Variants in LURAP1L observed in about 807,000 individuals in gnomAD.
LURAP1L encodes the protein leucine rich adaptor protein 1-like.
In LURAP1L, 12 loss-of-function variants were observed where a neutral mutation model predicts 13.8. That is an observed-to-expected ratio of 0.87 (90% confidence interval 0.56 to 1.41). LURAP1L has a LOEUF of 1.41. Ranked by LOEUF, LURAP1L falls within the 40% of genes most tolerant of loss-of-function variation. LURAP1L has a pLI of 0.00. For synonymous variants in LURAP1L, 139 were observed against 119.2 expected (o/e 1.17, Z -1.08); for missense variants, 375 against 292.9 (o/e 1.28, Z -2.04).
chr9:12,820,110 G>C (rs1312182509), intron 1 of LURAP1L, among the ~76,000 whole-genome samples: 1 of 152,120 alleles, frequency 6.6e-6, no homozygotes, highest in South Asian at 2.1e-4. Flanking sequence ...ACCACCTCTT[G>C]ATATTAGCAA....
chr9:12,799,160 G>A (rs1053477276), intron 1 of LURAP1L, among the ~76,000 whole-genome samples: 4 of 152,076 alleles, frequency 2.6e-5, no homozygotes, highest in Non-Finnish European at 4.4e-5. Context: ...AGCACTAAGT[G>A]GTGATACAAT....
At chr9:12,819,815 A>G (rs1042681461) in intron 1 of LURAP1L, among the ~76,000 whole-genome samples, 1 of 152,088 alleles carries the variant, frequency 6.6e-6, no homozygotes, top group Non-Finnish European at 1.5e-5. Context: ...TTAGCTGGAC[A>G]TGGTGTTGCG....
At chr9:12,785,669 T>C (rs1449060681) in intron 1 of LURAP1L, among the ~76,000 whole-genome samples, 1 of 152,268 alleles carries the variant, frequency 6.6e-6, no homozygotes, top group East Asian at 1.9e-4. Flanking sequence ...CAAAGTCCCA[T>C]AATCACTGTA....
At chr9:12,813,731 C>G (rs1819768484) in intron 1 of LURAP1L, among the ~76,000 whole-genome samples, 1 of 152,082 alleles carries the variant, frequency 6.6e-6, no homozygotes, top group Non-Finnish European at 1.5e-5. Context: ...ATTGATGAAC[C>G]AGTAAAATTC....
chr9:12,809,034 A>G (rs1386210166), intron 1 of LURAP1L, among the ~76,000 whole-genome samples: 2 of 152,166 alleles, frequency 1.3e-5, no homozygotes, highest in African/African-American at 4.8e-5. Context: ...AAGGGCAGCT[A>G]GCATATCACA....
At chr9:12,816,588 T>A (rs924677457) in intron 1 of LURAP1L, among the ~76,000 whole-genome samples, 4 of 152,214 alleles carry the variant, frequency 2.6e-5, no homozygotes, top group African/African-American at 9.6e-5. Context: ...TTTCAATTTT[T>A]AAATGGCACT....
At chr9:12,812,615 C>T (rs1163790618) in intron 1 of LURAP1L, among the ~76,000 whole-genome samples, 2 of 152,036 alleles carry the variant, frequency 1.3e-5, no homozygotes, top group Non-Finnish European at 2.9e-5. Context: ...ATAAGATCCA[C>T]GGCAAACAGA....
intron 1 of LURAP1L, among the ~76,000 whole-genome samples, chr9:12,810,527 A>T (rs1586886003): frequency 1.3e-5 from 2 of 152,156 alleles, no homozygotes; most frequent in East Asian, 3.8e-4. Context: ...ATCAGACTGG[A>T]ACCATAATGA....
chr9:12,787,475 A>G (rs1312092953), intron 1 of LURAP1L, among the ~76,000 whole-genome samples: 1 of 152,152 alleles, frequency 6.6e-6, no homozygotes, highest in African/African-American at 2.4e-5. Context: ...GATGAGGCAA[A>G]AAGACAGAGT....
rs548841176 is a variant in LURAP1L, at chr9:12,806,745, A to G, written c.313-14641A>G. Among the ~76,000 whole-genome samples, 10 of 152,126 alleles carry G rather than the reference A, an allele frequency of 6.6e-5. No individual in the cohort carries two copies. In the East Asian group the frequency reaches 1.6e-3, roughly 24 times the overall value. ...TTTATTTTTTCTAGTAGGCCTAGAA[A>G]AAAAATAAGGTGTTGAGATTTCCAT... On this transcript the variant is annotated intron_variant, in intron 1 of 1. Coordinates refer to ENST00000319264, the MANE Select transcript of LURAP1L (RefSeq NM_203403.2).
At chr9:12,816,532 ATT>A (rs1379035979) in intron 1 of LURAP1L, among the ~76,000 whole-genome samples, 2 of 152,100 alleles carry the variant, frequency 1.3e-5, no homozygotes. Flanking sequence ...CTCCGACTGC[ATT>A]TTTTTCTTAG....
At chr9:12,794,186 G>A (rs1290733590) in intron 1 of LURAP1L, among the ~76,000 whole-genome samples, 2 of 152,036 alleles carry the variant, frequency 1.3e-5, no homozygotes, top group Non-Finnish European at 2.9e-5. Flanking sequence ...GTGCCATGCA[G>A]CAGCCAATAT....
chr9:12,802,195 C>T (rs1047886855), intron 1 of LURAP1L, among the ~76,000 whole-genome samples: 1 of 152,158 alleles, frequency 6.6e-6, no homozygotes. Context: ...AAGAATAGGC[C>T]TGAGATGCTA....
intron 1 of LURAP1L, among the ~76,000 whole-genome samples, chr9:12,810,200 A>T (rs1819717424): frequency 6.6e-6 from 1 of 152,196 alleles, no homozygotes; most frequent in African/African-American, 2.4e-5. Context: ...TCCTGGAGGT[A>T]AAACTCATGA....
chr9:12,817,071 C>G (rs1819814025), intron 1 of LURAP1L, among the ~76,000 whole-genome samples: 1 of 152,112 alleles, frequency 6.6e-6, no homozygotes, highest in Non-Finnish European at 1.5e-5. Flanking sequence ...AAGTCCACTT[C>G]CTTTTAGAGA....
intron 1 of LURAP1L, among the ~76,000 whole-genome samples, chr9:12,811,151 A>C (rs1008993775): frequency 4.6e-5 from 7 of 152,216 alleles, no homozygotes; most frequent in African/African-American, 1.7e-4. Flanking sequence ...AGGCCAACTC[A>C]AAGCACATTT....
At position 12,802,847 on chromosome 9, in the gene LURAP1L, C is replaced by T. The variant is rs566669475; in HGVS notation, c.313-18539C>T. On this transcript the variant is annotated intron_variant, in intron 1 of 1. Coordinates refer to ENST00000319264, the MANE Select transcript of LURAP1L (RefSeq NM_203403.2). ...GCTTTTCCTCTACCAACACCTGCTC[C>T]CCTGGTTGTCTTGTCACTTTATTAG... is the stretch of plus-strand genomic sequence containing the variant. Among the ~76,000 whole-genome samples the T allele has an allele frequency of 1.4e-3, 209 of 152,270 alleles. 1 individual carries two copies. Among genetic ancestry groups the T allele is most frequent in the African/African-American group, 4.9e-3 (202 of 41,560 alleles).
chr9:12,800,480 A>G (rs543168369), intron 1 of LURAP1L, among the ~76,000 whole-genome samples: 1 of 152,074 alleles, frequency 6.6e-6, no homozygotes, highest in Non-Finnish European at 1.5e-5. Context: ...ACCATTTACT[A>G]CACTGTCTTC....
chr9:12,810,862 C>A lies in LURAP1L; in HGVS notation c.313-10524C>A, dbSNP rs375508078. 4.2e-3 allele frequency among the ~76,000 whole-genome samples: 643 copies of A among 152,264 alleles called. 1 individual carries two copies. Among genetic ancestry groups the A allele is most frequent in the Non-Finnish European group, 6.9e-3 (469 of 68,014 alleles). On this transcript the variant is annotated intron_variant, in intron 1 of 1. Coordinates refer to ENST00000319264, the MANE Select transcript of LURAP1L (RefSeq NM_203403.2). ...AAGTTTCCAAATGAAAATATTTAGT[C>A]AGTGTTTAGACACCACATGAAAAAC...
Sources: gnomAD v4.1 joint callset for allele counts (sites outside exome capture counted in the v4.1 genomes callset) on GRCh38, gnomAD v4.1.1 for gene constraint, MANE v1.5 for transcripts, NCBI Gene and HGNC (gene_info 2026-07-23, HGNC 2026-07-21) for gene names.